Variants in MED25 observed in about 807,000 individuals in gnomAD.
The protein encoded by MED25 is mediator complex subunit 25.
In MED25, 62 loss-of-function variants were observed where a neutral mutation model predicts 89.4. That is an observed-to-expected ratio of 0.69 (90% CI 0.57 to 0.86). The LOEUF (loss-of-function observed/expected upper bound fraction) is 0.86, where lower values mean the gene tolerates loss of function less well. MED25 is among the 40% of genes least tolerant of loss of function. The pLI is 0.00. For synonymous variants in MED25, 449 were observed against 427.9 expected (o/e 1.05, Z -0.61); for missense variants, 905 against 1,005.2 (o/e 0.90, Z 1.35).
In MED25 at chr19:49,831,035, C is replaced by G; in HGVS notation, c.1101+148C>G. 1 of 954,558 alleles carries G rather than the reference C, an allele frequency of 1.0e-6. No individual in the cohort carries two copies. Among genetic ancestry groups the G allele is most frequent in the Non-Finnish European group, 1.6e-6 (1 of 608,510 alleles). The allele number at this position is 954,558 out of a possible 1,614,324, so 59.1% of individuals were successfully genotyped here. ...GCTCGTGGTGTGTGTGCTGCAGATG[C>G]CTGAGATGAGGGTCTGGGGACAGAG... is the stretch of plus-strand genomic sequence containing the variant. On this transcript the variant is annotated intron_variant, in intron 9 of 17. Transcript: ENST00000312865. The surrounding 1 kb of genome is among the most constrained non-coding windows in gnomAD (Gnocchi z 5.0).
Position 49,828,979 on chromosome 19 carries a change from G to T in MED25, c.414G>T (p.Thr138=), listed in dbSNP as rs1333998604. 5 of 1,613,898 alleles carry T rather than the reference G, an allele frequency of 3.1e-6. No homozygotes were observed. Among genetic ancestry groups the T allele is most frequent in the South Asian group, 1.1e-5 (1 of 91,090 alleles). The change falls in exon 5 of 18, where the codon ACG becomes ACT. Residue 138 remains threonine (T), a synonymous_variant. Coordinates refer to ENST00000312865, the MANE Select transcript of MED25 (RefSeq NM_030973.4). ...FKKMREQIGQ[T]HRVCLLICNS... Reference sequence around the variant, plus strand: ...CTCTCTTTCCTGGTAGTGGCCAGACGCACCGGGTCTGCCTCCTCATCTGCA... The same window carrying T: ...CTCTCTTTCCTGGTAGTGGCCAGACTCACCGGGTCTGCCTCCTCATCTGCA...
At position 49,835,469 on chromosome 19, in the gene MED25, C is replaced by G; in HGVS notation, c.1675-65C>G. The G allele has an allele frequency of 6.9e-7, 1 of 1,458,770 alleles. No homozygotes were observed. The highest frequency in any genetic ancestry group is 9.2e-7 in the Non-Finnish European group (1 of 1,087,482). The allele number at this position is 1,458,770 out of a possible 1,614,324, so 90.4% of individuals were successfully genotyped here. ...ACTAGTTCCCCTCAGGGCACAGGCCCTCCCGCCTCAGATTCAGGATGCCAC... is the reference window on the plus strand; with the variant it reads ...ACTAGTTCCCCTCAGGGCACAGGCCGTCCCGCCTCAGATTCAGGATGCCAC... On this transcript the variant is annotated intron_variant, in intron 14 of 17. Coordinates refer to ENST00000312865, the MANE Select transcript of MED25 (RefSeq NM_030973.4). This position sits in a 1 kb window ranked among gnomAD's most constrained non-coding sequence, Gnocchi z 6.2.
rs2074057639 is a variant in MED25, at chr19:49,831,532, G to A, written c.1230+71G>A. 6.5e-7 allele frequency: 1 copy of A among 1,548,582 alleles called. No homozygotes were observed. On this transcript the variant is annotated intron_variant, in intron 10 of 17. Coordinates refer to ENST00000312865, the MANE Select transcript of MED25 (RefSeq NM_030973.4). The surrounding 1 kb of genome is among the most constrained non-coding windows in gnomAD (Gnocchi z 5.0). ...GTGGGGCTGGGCATGTAGGACTCAT[G>A]GGGCCAGATGCGTGGGGTCTGCAGT...
At chr19:49,822,423 G>T (rs1468019818) in intron 3 of MED25, among the ~76,000 whole-genome samples, 1 of 151,948 alleles carries the variant, frequency 6.6e-6, no homozygotes, top group African/African-American at 2.4e-5. Context: ...CTGACTGACT[G>T]AGACCCTGTC....
At chr19:49,826,112 G>C (rs1381984337) in intron 3 of MED25, among the ~76,000 whole-genome samples, 1 of 152,082 alleles carries the variant, frequency 6.6e-6, no homozygotes. Flanking sequence ...AGGCCGAGGC[G>C]GGTGGATCAT....
chr19:49,828,642 G>C, intron 4 of MED25, 95 bp downstream of exon 4: 1 of 1,081,060 alleles, frequency 9.3e-7, no homozygotes, highest in South Asian at 1.3e-5. Context: ...GCCTCACCCT[G>C]TAGGGCATGG....
At position 49,835,869 on chromosome 19, in the gene MED25, C is replaced by T. The variant is rs775342932; in HGVS notation, c.1889C>T (p.Pro630Leu). Reference sequence around the variant, plus strand: ...CCTGGAGCAGCTTCTGGCCCACCCCCTCCTGGACCCATCCTTCGGCCCCAG... The same window carrying T: ...CCTGGAGCAGCTTCTGGCCCACCCCTTCCTGGACCCATCCTTCGGCCCCAG... ...GPPGAASGPP[P>L]PGPILRPQNP... is the part of the protein sequence containing the mutation. Residue 630 changes from proline to leucine, a missense_variant, in exon 16 of 18, where the codon CCT (proline) becomes CTT (leucine). By Grantham distance (98) the Pro-to-Leu change is moderately conservative. Coordinates refer to ENST00000312865, the MANE Select transcript of MED25 (RefSeq NM_030973.4). This position sits in a 1 kb window ranked among gnomAD's most constrained non-coding sequence, Gnocchi z 6.2. 3.4e-5 allele frequency: 55 copies of T among 1,612,670 alleles called. 1 individual carries two copies. The South Asian group carries it at 5.4e-4, about 16-fold the overall frequency.
At position 49,818,540 on chromosome 19, in the gene MED25, G is replaced by T. The variant is rs184390301; in HGVS notation, c.135-31G>T. 3.7e-5 allele frequency: 59 copies of T among 1,614,222 alleles called. No individual in the cohort carries two copies. The African/African-American group carries it at 7.1e-4, about 19-fold the overall frequency. ...TTCAGTTTCGCACAGTTTCTTGCCT[G>T]ACTCCGACCTTTCACTTCCTACCCT... On this transcript the variant is annotated intron_variant, in intron 1 of 17. Transcript: ENST00000312865.
chr19:49,833,165 G>A (rs1024220143), intron 13 of MED25: 1 of 152,780 alleles, frequency 6.5e-6, no homozygotes, highest in Non-Finnish European at 1.5e-5. Context: ...GGAGTGCAGT[G>A]GTGCAATCTT....
At chr19:49,828,852 G>C in intron 4 of MED25, 118 bp from the exon 5 acceptor site, 1 of 1,539,396 alleles carries the variant, frequency 6.5e-7, no homozygotes, top group South Asian at 1.2e-5. Context: ...GTAAAGTAGG[G>C]GCGTTGCTTC....
intron 3 of MED25, among the ~76,000 whole-genome samples, chr19:49,828,125 A>G (rs2074027197): frequency 6.6e-6 from 1 of 152,092 alleles, no homozygotes; most frequent in East Asian, 1.9e-4. Flanking sequence ...GCTACTCGGG[A>G]GACTGAGGCA....
At position 49,818,315 on chromosome 19, in the gene MED25, G is replaced by A. The variant is rs763182879; in HGVS notation, c.-27G>A. On this transcript the variant is annotated 5_prime_UTR_variant, in exon 1 of 18. The change creates a new upstream start codon in the 5' untranslated region. Coordinates refer to ENST00000312865, the MANE Select transcript of MED25 (RefSeq NM_030973.4). ...TTCCGCGGCGTCGGCTGCGGCTGCA[G>A]TGGTGGTGGCGGGTACCGCACGGGG... 1.3e-6 allele frequency: 2 copies of A among 1,568,788 alleles called. No homozygotes were observed. Among genetic ancestry groups the A allele is most frequent in the Admixed American group, 1.9e-5 (1 of 53,410 alleles).
At chr19:49,825,562 C>A (rs1410303069) in intron 3 of MED25, among the ~76,000 whole-genome samples, 2 of 151,530 alleles carry the variant, frequency 1.3e-5, no homozygotes, top group Admixed American at 1.3e-4. Context: ...AACTGTTTTA[C>A]AGGGTCATGC....
rs760761746 is a variant in MED25 at position 49,835,494 on chromosome 19, C to T, written c.1675-40C>T. On this transcript the variant is annotated intron_variant, in intron 14 of 17. Coordinates refer to ENST00000312865, the MANE Select transcript of MED25 (RefSeq NM_030973.4). The surrounding 1 kb of genome is among the most constrained non-coding windows in gnomAD (Gnocchi z 6.2). ...CTCCCGCCTCAGATTCAGGATGCCA[C>T]CACCCTCAGTTACTGACCTGCCCCT... 10 of 1,504,866 alleles carry T rather than the reference C, an allele frequency of 6.6e-6. No individual in the cohort carries two copies. Among genetic ancestry groups the T allele is most frequent in the Non-Finnish European group, 8.9e-6 (10 of 1,122,894 alleles). 93.2% of individuals were successfully genotyped at this position (1,504,866 alleles called of 1,614,324 possible).
At position 49,831,391 on chromosome 19, in the gene MED25, C is replaced by G. The variant is rs1433808506; in HGVS notation, c.1160C>G (p.Pro387Arg). 1.5e-5 allele frequency: 24 copies of G among 1,611,142 alleles called. No individual in the cohort carries two copies. Among genetic ancestry groups the G allele is most frequent in the Non-Finnish European group, 1.8e-5 (21 of 1,178,860 alleles). ...SGPSPAQLGA[P>R]ALGGQQSVSN... is the part of the protein sequence containing the mutation. ...CCTTCCCCAGCCCAGCTGGGAGCCCCAGCCCTCGGTGGGCAGCAGTCAGTC... is the reference window on the plus strand; with the variant it reads ...CCTTCCCCAGCCCAGCTGGGAGCCCGAGCCCTCGGTGGGCAGCAGTCAGTC... Residue 387 changes from proline to arginine, a missense_variant, in exon 10 of 18, where the codon CCA becomes CGA. Pro to Arg is a moderately radical substitution (Grantham distance 103). This residue lies in a region of MED25 where 501 missense variants were observed against 526.9 expected (regional missense o/e 0.95). Transcript: ENST00000312865. The surrounding 1 kb of genome is among the most constrained non-coding windows in gnomAD (Gnocchi z 5.0).
Position 49,831,207 on chromosome 19 carries a change from G to C in MED25, c.1102-126G>C. The stretch of plus-strand genomic sequence containing the variant: ...TTTGGGGTCCTGCGGCTGGCCAAGT[G>C]CTGTTCTGGGGATGGAGGGGCAGAA... On this transcript the variant is annotated intron_variant, in intron 9 of 17. Coordinates refer to ENST00000312865, the MANE Select transcript of MED25 (RefSeq NM_030973.4). The surrounding 1 kb of genome is among the most constrained non-coding windows in gnomAD (Gnocchi z 5.0). The C allele has an allele frequency of 1.8e-6, 2 of 1,082,300 alleles. No homozygotes were observed. The highest frequency in any genetic ancestry group is 4.5e-5 in the Admixed American group (2 of 44,322). 67.0% of individuals were successfully genotyped at this position (1,082,300 alleles called of 1,614,324 possible).
chr19:49,838,321 C>G (rs1191442007), downstream of MED25: 1 of 347,324 alleles, frequency 2.9e-6, no homozygotes, highest in African/African-American at 2.1e-5. Flanking sequence ...CACACAAAAT[C>G]TGCAGTCTTG....
Position 49,830,357 on chromosome 19 carries a change from C to A in MED25, c.819+139C>A. ...CATTGGGAAGGTGGGACTCTTGGGG[C>A]CATGGAAGCTCATGTGCTGTGTGAT... On this transcript the variant is annotated intron_variant, in intron 7 of 17. Transcript: ENST00000312865. The surrounding 1 kb of genome is among the most constrained non-coding windows in gnomAD (Gnocchi z 4.6). 4 of 1,151,566 alleles carry A rather than the reference C, an allele frequency of 3.5e-6. No individual in the cohort carries two copies. Among genetic ancestry groups the A allele is most frequent in the Non-Finnish European group, 3.8e-6 (3 of 790,588 alleles). 71.3% of individuals were successfully genotyped at this position (1,151,566 alleles called of 1,614,324 possible).
At chr19:49,822,534 T>G (rs1399066634) in intron 3 of MED25, among the ~76,000 whole-genome samples, 2 of 151,630 alleles carry the variant, frequency 1.3e-5, no homozygotes, top group Non-Finnish European at 2.9e-5. Context: ...TCAGTGTCCC[T>G]AAGTGCTGGG....
Sources: gnomAD v4.1 joint callset for allele counts (sites outside exome capture counted in the v4.1 genomes callset) on GRCh38, gnomAD v4.1.1 for gene constraint, gnomAD v4.1.1 regional missense constraint, Gnocchi (gnomAD v3.1) non-coding constraint, MANE v1.5 for transcripts, NCBI Gene and HGNC (gene_info 2026-07-23, HGNC 2026-07-21) for gene names.